The following ASAP2 variants were observed in gnomAD, a reference collection of about 807,000 sequenced individuals.
ASAP2 encodes the protein arf-GAP with SH3 domain, ANK repeat and PH domain-containing protein 2.
Under a neutral mutation model 131.4 loss-of-function variants are expected in ASAP2, and 45 were observed. The ratio of observed to expected loss-of-function variants is 0.34; its 90% CI spans 0.27 to 0.44. ASAP2 has a LOEUF of 0.44. ASAP2 is among the 20% of genes least tolerant of loss of function. ASAP2 has a pLI of 1.00. For missense variants in ASAP2, 1,011 were observed against 1,297.0 expected, an observed-to-expected ratio of 0.78 and a Z score of 3.39; for synonymous variants, 510 against 503.0, an observed-to-expected ratio of 1.01 and a Z score of -0.19.
At position 9,350,856 on chromosome 2, in the gene ASAP2, A is replaced by C; in HGVS notation, c.1072A>C (p.Thr358Pro). Residue 358 changes from threonine (T) to proline (P), a missense_variant, in exon 12 of 28, where the codon ACC (threonine) becomes CCC (proline). Physicochemically the swap from Thr to Pro is conservative, Grantham distance 38. Around this residue, in one of 2 missense-constraint regions of ASAP2, gnomAD observed 359 missense variants for 598.1 expected, o/e 0.60. Transcript: ENST00000281419. ...KLNLLTCQVK[T>P]NPEEKKCFDL... ...CAACCTGCTAACCTGCCAGGTGAAG[A>C]CCAACCCTGAGGAGAAGAAGTGCTT... The C allele has an allele frequency of 3.7e-6, 6 of 1,613,634 alleles. No individual in the cohort carries two copies. The highest frequency in any genetic ancestry group is 5.1e-6 in the Non-Finnish European group (6 of 1,179,686).
intron 9 of ASAP2, among the ~76,000 whole-genome samples, chr2:9,343,613 ATTTTTGTAT>A (rs930239998): frequency 6.6e-6 from 1 of 152,006 alleles, no homozygotes; most frequent in Non-Finnish European, 1.5e-5. Flanking sequence ...TACCTAGCTA[ATTTTTGTAT>A]TTTTTGTAGA....
intron 1 of ASAP2, among the ~76,000 whole-genome samples, chr2:9,256,245 T>A (rs971018263): frequency 1.1e-4 from 16 of 151,206 alleles, no homozygotes; most frequent in African/African-American, 3.9e-4. Flanking sequence ...GTGCCAACCA[T>A]GTGCCAGCTT....
Position 9,356,332 on chromosome 2 carries a change from C to A in ASAP2, c.1314C>A (p.Asp438Glu). 6.3e-7 allele frequency: 1 copy of A among 1,596,048 alleles called. No individual in the cohort carries two copies. The highest frequency in any genetic ancestry group is 8.5e-7 in the Non-Finnish European group (1 of 1,171,148). The change falls in exon 14 of 28, where the codon GAC (aspartate) becomes GAA (glutamate). Residue 438 changes from aspartate (D) to glutamate (E), a missense_variant. Around this residue, in one of 2 missense-constraint regions of ASAP2, gnomAD observed 359 missense variants for 598.1 expected, o/e 0.60. Coordinates refer to ENST00000281419, the MANE Select transcript of ASAP2 (RefSeq NM_003887.3). ...QRMTGNDVCC[D>E]CGAPDPTWLS... ...TGACGGGCAATGACGTCTGCTGTGA[C>A]TGTGGGGCGCCAGGTGACCCAGGGA...
intron 11 of ASAP2, among the ~76,000 whole-genome samples, chr2:9,345,085 G>A (rs1479726034): frequency 1.3e-4 from 19 of 151,894 alleles, no homozygotes; most frequent in Admixed American, 1.2e-3. Flanking sequence ...GCAGAGTCAG[G>A]AGTAACTGAT....
At chr2:9,317,730 ACACT>A (rs1323225545) in intron 3 of ASAP2, among the ~76,000 whole-genome samples, 5 of 149,882 alleles carry the variant, frequency 3.3e-5, no homozygotes, top group East Asian at 4.1e-4. Flanking sequence ...AATCACATTC[ACACT>A]CACATCCACA....
intron 1 of ASAP2, among the ~76,000 whole-genome samples, chr2:9,225,890 C>T (rs999934543): frequency 1.1e-4 from 17 of 152,324 alleles, no homozygotes; most frequent in Admixed American, 7.8e-4. Context: ...GTGGCTGGCA[C>T]ACTCAGGCCG....
chr2:9,258,267 G>C (rs1665305118), intron 1 of ASAP2, among the ~76,000 whole-genome samples: 1 of 145,636 alleles, frequency 6.9e-6, no homozygotes, highest in East Asian at 2.0e-4. Context: ...AAATTTCTAT[G>C]ATTACCAGCT....
chr2:9,253,278 G>A (rs1297400558), intron 1 of ASAP2, among the ~76,000 whole-genome samples: 5 of 151,866 alleles, frequency 3.3e-5, no homozygotes, highest in South Asian at 2.1e-4. Flanking sequence ...ATTCTCGTGC[G>A]TCAGCCTCCT....
intron 2 of ASAP2, among the ~76,000 whole-genome samples, chr2:9,286,447 A>ATATATATATATATATATAT (rs1553304560): frequency 1.0e-3 from 150 of 148,456 alleles, no homozygotes; most frequent in African/African-American, 3.7e-3. Flanking sequence ...GAAAAAAAAA[A>ATATATATATATATATATAT]ATATATATAT....
chr2:9,343,303 G>A (rs1671716936), intron 9 of ASAP2, among the ~76,000 whole-genome samples: 1 of 152,136 alleles, frequency 6.6e-6, no homozygotes, highest in Admixed American at 6.5e-5. Flanking sequence ...GCAGCCCTCG[G>A]CCCTTTCCTG....
rs1466755732 is a variant in ASAP2 at position 9,311,057 on chromosome 2, G to A, written c.346-7467G>A. ...AAGTGAACTCGGGGGGAAAAGCTAA[G>A]ACAGGAAGTAGGGGTGGGGAAAGGA... On this transcript the variant is annotated intron_variant, in intron 3 of 27. Transcript: ENST00000281419. This position sits in a 1 kb window ranked among gnomAD's most constrained non-coding sequence, Gnocchi z 5.2. Among the ~76,000 whole-genome samples, 2 of 151,950 alleles carry A rather than the reference G, an allele frequency of 1.3e-5. No homozygotes were observed. Among genetic ancestry groups the A allele is most frequent in the Non-Finnish European group, 2.9e-5 (2 of 68,022 alleles).
chr2:9,320,362 A>G (rs766004735), intron 5 of ASAP2, 25 bp downstream of exon 5: 1 of 1,586,860 alleles, frequency 6.3e-7, no homozygotes, highest in Non-Finnish European at 8.6e-7. Flanking sequence ...TTTTAAATTT[A>G]CGTATAGGTA....
Position 9,360,293 on chromosome 2 carries a change from C to T in ASAP2, c.1461+1404C>T, listed in dbSNP as rs371176545. On this transcript the variant is annotated intron_variant, in intron 15 of 27. Transcript: ENST00000281419. ...TTGATCTCCAGTAACAACCTGATGA[C>T]CTTGGTATATTATCCCCATTTTACA... 7.2e-5 allele frequency among the ~76,000 whole-genome samples: 11 copies of T among 152,246 alleles called. No homozygotes were observed. The South Asian group carries it at 1.9e-3, about 26-fold the overall frequency.
chr2:9,378,914 T>C, intron 18 of ASAP2, 30 bp from the exon 19 acceptor site: 1 of 1,391,266 alleles, frequency 7.2e-7, no homozygotes, highest in Non-Finnish European at 9.5e-7. Context: ...TGACACACTA[T>C]GCTCTCTCTC....
rs1286189050 is a variant in ASAP2 at position 9,250,004 on chromosome 2, C to T, written c.127-29313C>T. On this transcript the variant is annotated intron_variant, in intron 1 of 27. Coordinates refer to ENST00000281419, the MANE Select transcript of ASAP2 (RefSeq NM_003887.3). ...CTTGGGGTCAAATCTGGGTATACAA[C>T]TCTTCCCTTCTTTCCATTTTCTTAC... Among the ~76,000 whole-genome samples the T allele has an allele frequency of 2.0e-5, 3 of 152,248 alleles. No homozygotes were observed. In the East Asian group the frequency reaches 5.8e-4, roughly 29 times the overall value.
At chr2:9,361,271 AC>A (rs1673058635) in intron 15 of ASAP2, among the ~76,000 whole-genome samples, 1 of 152,324 alleles carries the variant, frequency 6.6e-6, no homozygotes. Context: ...AAAAGTAGAG[AC>A]AGCAGTGAAT....
At position 9,317,995 on chromosome 2, in the gene ASAP2, AAC is replaced by A. The variant is rs543690305; in HGVS notation, c.346-520_346-519del. Among the ~76,000 whole-genome samples, 442 of 152,012 alleles carry A rather than the reference AAC, an allele frequency of 2.9e-3. 6 individuals carry two copies. The highest frequency in any genetic ancestry group is 0.01 in the African/African-American group (416 of 41,458). Reference sequence around the variant, plus strand: ...TCATTGACACACACTCTCCGTCCCCAACACACACACGTCTTTTCTCATTCGCA... The same window carrying A: ...TCATTGACACACACTCTCCGTCCCCAACACACACGTCTTTTCTCATTCGCA... On this transcript the variant is annotated intron_variant, in intron 3 of 27. Coordinates refer to ENST00000281419, the MANE Select transcript of ASAP2 (RefSeq NM_003887.3).
At chr2:9,213,318 G>A (rs1211940897) in intron 1 of ASAP2, among the ~76,000 whole-genome samples, 3 of 152,212 alleles carry the variant, frequency 2.0e-5, no homozygotes, top group Non-Finnish European at 4.4e-5. Context: ...GTCAGGGTGT[G>A]TGGGGAGGAG....
At chr2:9,279,674 C>A (rs1572339844) in intron 2 of ASAP2, among the ~76,000 whole-genome samples, 1 of 152,176 alleles carries the variant, frequency 6.6e-6, no homozygotes, top group African/African-American at 2.4e-5. Flanking sequence ...CCTGCACGTA[C>A]CCACTTTGTC....
Sources: gnomAD v4.1 joint callset for allele counts (sites outside exome capture counted in the v4.1 genomes callset) on GRCh38, gnomAD v4.1.1 for gene constraint, gnomAD v4.1.1 regional missense constraint, Gnocchi (gnomAD v3.1) non-coding constraint, MANE v1.5 for transcripts, NCBI Gene and HGNC (gene_info 2026-07-23, HGNC 2026-07-21) for gene names.